Variants in DSCAM observed in about 807,000 individuals in gnomAD.
DSCAM encodes cell adhesion molecule DSCAM.
Under a neutral mutation model 217.7 loss-of-function variants are expected in DSCAM, and 47 were observed. The ratio of observed to expected loss-of-function variants is 0.22; its 90% CI spans 0.17 to 0.28. DSCAM has a LOEUF of 0.28. Ranked by LOEUF, DSCAM falls within the 10% of genes least tolerant of loss-of-function variation. The probability of loss-of-function intolerance (pLI) is 1.00; values close to 1 mark genes in which losing one functional copy is unlikely to be tolerated. For missense variants in DSCAM, 2,080 were observed against 2,618.3 expected, an observed-to-expected ratio of 0.79 and a Z score of 4.49; for synonymous variants, 1,056 against 1,015.3, an observed-to-expected ratio of 1.04 and a Z score of -0.76.
At position 40,516,956 on chromosome 21, in the gene DSCAM, C is replaced by T. The variant is rs368004822; in HGVS notation, c.509-147711G>A. Among the ~76,000 whole-genome samples, 13 of 147,268 alleles carry T rather than the reference C, an allele frequency of 8.8e-5. No individual in the cohort carries two copies. In the East Asian group the frequency reaches 2.2e-3, roughly 25 times the overall value. ...TATTTATATATACATATTCACCTTA[C>T]TCTCTGTAAATATACATATATTATA... On this transcript the variant is annotated intron_variant, in intron 3 of 32. Transcript: ENST00000400454.
chr21:40,255,292 T>G (rs1223325532), intron 11 of DSCAM, among the ~76,000 whole-genome samples: 1 of 152,284 alleles, frequency 6.6e-6, no homozygotes, highest in Non-Finnish European at 1.5e-5. Flanking sequence ...GGTTCCGCTC[T>G]GCAACCCCAT....
chr21:40,634,562 T>A (rs369001734), intron 3 of DSCAM, among the ~76,000 whole-genome samples: 2 of 152,240 alleles, frequency 1.3e-5, no homozygotes, highest in East Asian at 1.9e-4. Flanking sequence ...ATACTTTTCA[T>A]TCCCAATATG....
intron 3 of DSCAM, among the ~76,000 whole-genome samples, chr21:40,491,295 T>C (rs577733223): frequency 1.8e-4 from 27 of 152,278 alleles, no homozygotes; most frequent in Admixed American, 7.2e-4. Context: ...CCTGTTCACA[T>C]TGTCAACAAA....
At chr21:40,662,012 G>T (rs1410515318) in intron 3 of DSCAM, among the ~76,000 whole-genome samples, 2 of 152,146 alleles carry the variant, frequency 1.3e-5, no homozygotes, top group Non-Finnish European at 2.9e-5. Flanking sequence ...AACACATAGG[G>T]TTAGAGCATA....
At chr21:40,316,697 C>T (rs2074200901) in intron 8 of DSCAM, among the ~76,000 whole-genome samples, 1 of 152,136 alleles carries the variant, frequency 6.6e-6, no homozygotes. Flanking sequence ...TGATAAAGGT[C>T]ATTTATTACC....
chr21:40,780,066 TC>T (rs1321747741), intron 1 of DSCAM, among the ~76,000 whole-genome samples: 3 of 152,214 alleles, frequency 2.0e-5, no homozygotes, highest in African/African-American at 7.2e-5. Flanking sequence ...TCTACATGCA[TC>T]TTCTCAATTA....
intron 11 of DSCAM, among the ~76,000 whole-genome samples, chr21:40,202,127 A>G (rs2091076267): frequency 6.6e-6 from 1 of 152,138 alleles, no homozygotes; most frequent in Admixed American, 6.5e-5. Context: ...TATGGAGAGG[A>G]CCATGAGAAG....
In DSCAM at chr21:40,152,836, GACC is replaced by G. The variant is rs139569033; in HGVS notation, c.3019-8108_3019-8106del. On this transcript the variant is annotated intron_variant, in intron 16 of 32. Transcript: ENST00000400454. ...TAGAACAGGCATCTCTTGTGCTGAA[GACC>G]ACCAGCCATGTTCTGTTTCCCTCAT... Among the ~76,000 whole-genome samples the G allele has an allele frequency of 9.6e-3, 1,467 of 152,308 alleles. 26 individuals are homozygous for G. Among genetic ancestry groups the G allele is most frequent in the African/African-American group, 0.034 (1,409 of 41,566 alleles).
chr21:40,698,899 C>T (rs1179479525), intron 2 of DSCAM, among the ~76,000 whole-genome samples: 1 of 147,210 alleles, frequency 6.8e-6, no homozygotes. Flanking sequence ...AAAAAAGAGT[C>T]GCTTCTGCTG....
intron 3 of DSCAM, among the ~76,000 whole-genome samples, chr21:40,423,189 G>C (rs2075441034): frequency 6.6e-6 from 1 of 152,222 alleles, no homozygotes; most frequent in African/African-American, 2.4e-5. Context: ...TTGCCAGGCA[G>C]TGGCATATGC....
chr21:40,237,713 C>T (rs1280724409), intron 11 of DSCAM, among the ~76,000 whole-genome samples: 1 of 152,118 alleles, frequency 6.6e-6, no homozygotes, highest in Non-Finnish European at 1.5e-5. Context: ...AACTTATAAT[C>T]CTTTGGGTAT....
rs564146415 is a variant in DSCAM at position 40,244,231 on chromosome 21, A to G, written c.2356+31866T>C. Among the ~76,000 whole-genome samples, 3 of 152,288 alleles carry G rather than the reference A, an allele frequency of 2.0e-5. No homozygotes were observed. In the East Asian group the frequency reaches 5.8e-4, roughly 29 times the overall value. Reference sequence around the variant, plus strand: ...TTTGGGAGGCCAAGGCGGGTGGATCACTTGAGGTCAGGAGTTCGAGACCAG... The same window carrying G: ...TTTGGGAGGCCAAGGCGGGTGGATCGCTTGAGGTCAGGAGTTCGAGACCAG... On this transcript the variant is annotated intron_variant, in intron 11 of 32. Transcript: ENST00000400454.
intron 3 of DSCAM, among the ~76,000 whole-genome samples, chr21:40,440,903 T>A (rs533135592): frequency 2.6e-5 from 4 of 152,318 alleles, no homozygotes; most frequent in African/African-American, 9.6e-5. Context: ...AATACAGTTA[T>A]CATCAATGTT....
chr21:40,260,919 C>T (rs954457941), intron 11 of DSCAM, among the ~76,000 whole-genome samples: 1 of 152,192 alleles, frequency 6.6e-6, no homozygotes, highest in Non-Finnish European at 1.5e-5. Flanking sequence ...TGGGAACTCC[C>T]ACCTGGGCCT....
chr21:40,699,661 C>T (rs2146464184), intron 2 of DSCAM, among the ~76,000 whole-genome samples: 1 of 152,322 alleles, frequency 6.6e-6, no homozygotes, highest in South Asian at 2.1e-4. Context: ...CTAGCCACAA[C>T]ATTGCCTTAA....
At chr21:40,195,517 G>T (rs74926505) in intron 11 of DSCAM, among the ~76,000 whole-genome samples, 2,447 of 152,238 alleles carry the variant, frequency 0.016, 49 homozygotes, top group African/African-American at 0.037. Context: ...ACTCTGATCG[G>T]TCCTATTTGA....
intron 3 of DSCAM, chr21:40,629,784 T>C (rs749163309): frequency 5.3e-5 from 8 of 152,164 alleles, no homozygotes; most frequent in Non-Finnish European, 8.8e-5. Context: ...GTCCAGAGTA[T>C]AAAACTTCCA....
chr21:40,666,085 G>T (rs1310564422), intron 3 of DSCAM, among the ~76,000 whole-genome samples: 1 of 152,160 alleles, frequency 6.6e-6, no homozygotes, highest in Non-Finnish European at 1.5e-5. Context: ...AGTGGGGACT[G>T]CCAACAATTT....
chr21:40,797,072 A>G (rs1435611273), intron 1 of DSCAM, among the ~76,000 whole-genome samples: 1 of 152,186 alleles, frequency 6.6e-6, no homozygotes, highest in Non-Finnish European at 1.5e-5. Flanking sequence ...TCACAATCCA[A>G]TAGCATGTTC....
Sources: gnomAD v4.1 joint callset for allele counts (sites outside exome capture counted in the v4.1 genomes callset) on GRCh38, gnomAD v4.1.1 for gene constraint, MANE v1.5 for transcripts, NCBI Gene and HGNC (gene_info 2026-07-23, HGNC 2026-07-21) for gene names.